The following PBX4 variants were observed in gnomAD, a reference collection of about 807,000 sequenced individuals.
PBX4 encodes PBX homeobox 4, also known as pre-B-cell leukemia transcription factor 4.
Under a neutral mutation model 35.1 loss-of-function variants are expected in PBX4, and 26 were observed. The observed-to-expected ratio is 0.74, with a 90% confidence interval of 0.54 to 1.03. The LOEUF (loss-of-function observed/expected upper bound fraction) is 1.03. Ranked by LOEUF, PBX4 falls within the 50% of genes least tolerant of loss-of-function variation. The probability of loss-of-function intolerance (pLI) is 0.00; values close to 1 mark genes in which losing one functional copy is unlikely to be tolerated. For synonymous variants in PBX4, 199 were observed against 204.2 expected, an observed-to-expected ratio of 0.97 and a Z score of 0.22; for missense variants, 448 against 504.3, an observed-to-expected ratio of 0.89 and a Z score of 1.07.
In PBX4 at chr19:19,563,657, TC is replaced by T. The variant is rs2061322701; in HGVS notation, c.926-43del. On this transcript the variant is annotated intron_variant, in intron 6 of 7. Coordinates refer to ENST00000251203, the MANE Select transcript of PBX4 (RefSeq NM_025245.3). The surrounding 1 kb of genome is among the most constrained non-coding windows in gnomAD (Gnocchi z 5.1). ...CCGGGGTGGGCAGAGTCGTGGCGCCTCCTCAGGTGGAACCCACCCAGCCCCT... is the reference window on the plus strand; with the variant it reads ...CCGGGGTGGGCAGAGTCGTGGCGCCTCTCAGGTGGAACCCACCCAGCCCCT... 1 of 1,502,712 alleles carries T rather than the reference TC, an allele frequency of 6.7e-7. No homozygotes were observed. Among genetic ancestry groups the T allele is most frequent in the Non-Finnish European group, 9.0e-7 (1 of 1,105,888 alleles). 93.1% of individuals were successfully genotyped at this position (1,502,712 alleles called of 1,614,324 possible). A position where few individuals can be genotyped will look rare whatever the true frequency, so the allele number is the denominator to read the frequency against.
chr19:19,569,640 C>T, intron 4 of PBX4, 56 bp from the exon 5 acceptor site: 18 of 1,585,516 alleles, frequency 1.1e-5, no homozygotes, highest in Non-Finnish European at 1.5e-5. Context: ...AGTACCACCC[C>T]CACCTCTAGT....
At chr19:19,602,327 G>A (rs894469992) in intron 1 of PBX4, among the ~76,000 whole-genome samples, 2 of 152,212 alleles carry the variant, frequency 1.3e-5, no homozygotes, top group Non-Finnish European at 2.9e-5. Context: ...AGGGAACAAG[G>A]TTGGGAGAGA....
intron 1 of PBX4, 21 bp from the exon 2 acceptor site, chr19:19,599,386 G>A (rs777300354): frequency 1.9e-6 from 3 of 1,597,372 alleles, no homozygotes; most frequent in African/African-American, 1.3e-5. Context: ...GGTGACAGAG[G>A]AGGGTGTGAG....
intron 5 of PBX4, among the ~76,000 whole-genome samples, chr19:19,565,929 A>T (rs1390336487): frequency 6.6e-6 from 1 of 150,960 alleles, no homozygotes; most frequent in African/African-American, 2.4e-5. Flanking sequence ...AAAAAAATAT[A>T]TTTTTTCTTT....
intron 1 of PBX4, among the ~76,000 whole-genome samples, chr19:19,609,549 GAAA>G (rs11300224): frequency 1.2e-5 from 1 of 85,028 alleles, no homozygotes. Flanking sequence ...AAATCCATAT[GAAA>G]AAAAAAAAAA....
In PBX4 at chr19:19,586,925, C is replaced by G. The variant is rs896726172; in HGVS notation, c.193+12367G>C. Among the ~76,000 whole-genome samples, 3 of 151,412 alleles carry G rather than the reference C, an allele frequency of 2.0e-5. 1 individual carries two copies. In the Middle Eastern group the frequency reaches 0.01, roughly 515 times the overall value. ...CAGCATGGGCGACAGAGTGAGATTC[C>G]GTCTCAAAAAAAGAAAAAGAAAAAG... On this transcript the variant is annotated intron_variant, in intron 2 of 7. Transcript: ENST00000251203.
Position 19,588,254 on chromosome 19 carries a change from G to A in PBX4, c.193+11038C>T, listed in dbSNP as rs182250783. ...GCCTCCACAGATCACACAGAGCCCCGGTAAGATCCATAGTTACATTCATCA... is the reference window on the plus strand; with the variant it reads ...GCCTCCACAGATCACACAGAGCCCCAGTAAGATCCATAGTTACATTCATCA... On this transcript the variant is annotated intron_variant, in intron 2 of 7. Transcript: ENST00000251203. 4.7e-4 allele frequency: 617 copies of A among 1,302,748 alleles called. 4 individuals carry two copies. Among genetic ancestry groups the A allele is most frequent in the African/African-American group, 2.9e-4 (20 of 68,794 alleles). 80.7% of individuals were successfully genotyped at this position (1,302,748 alleles called of 1,614,324 possible). A position where few individuals can be genotyped will look rare whatever the true frequency, so the allele number is the denominator to read the frequency against.
chr19:19,569,682 C>T (rs1293369915), intron 4 of PBX4, 98 bp from the exon 5 acceptor site: 1 of 1,455,460 alleles, frequency 6.9e-7, no homozygotes, highest in Non-Finnish European at 9.2e-7. Flanking sequence ...GTTCTGAAAA[C>T]AGCAATCACT....
intron 2 of PBX4, among the ~76,000 whole-genome samples, chr19:19,589,225 G>A (rs764082230): frequency 7.2e-5 from 11 of 151,900 alleles, no homozygotes; most frequent in Admixed American, 1.3e-4. Context: ...TCAGGAGATC[G>A]AGACCATCCT....
chr19:19,572,680 C>A (rs1205970497), intron 2 of PBX4, among the ~76,000 whole-genome samples: 1 of 150,468 alleles, frequency 6.6e-6, no homozygotes, highest in Non-Finnish European at 1.5e-5. Flanking sequence ...GCCCAGCCAA[C>A]GTGGAGAAAC....
chr19:19,599,342 C>T lies in PBX4; in HGVS notation c.143G>A (p.Arg48Gln), dbSNP rs1413139492. 1.1e-5 allele frequency: 17 copies of T among 1,613,400 alleles called. No homozygotes were observed. In the East Asian group the frequency reaches 1.3e-4, roughly 13 times the overall value. ...QARKHALNCHRMKPALFSVLC... is the reference protein window; with the variant it reads ...QARKHALNCHQMKPALFSVLC... Reference sequence around the variant, plus strand: ...CACGCTGAACAGAGCAGGCTTCATCCGATGGCAATTCAGAGCATGCTTTCT... The same window carrying T: ...CACGCTGAACAGAGCAGGCTTCATCTGATGGCAATTCAGAGCATGCTTTCT... Residue 48 changes from arginine (R) to glutamine (Q), a missense_variant, in exon 2 of 8, where the codon CGG becomes CAG. Coordinates refer to ENST00000251203, the MANE Select transcript of PBX4 (RefSeq NM_025245.3).
At chr19:19,573,330 T>TATACACACACAC (rs1344345485) in intron 2 of PBX4, among the ~76,000 whole-genome samples, 1 of 133,378 alleles carries the variant, frequency 7.5e-6, no homozygotes, top group Non-Finnish European at 1.6e-5. Context: ...AAAAAAAATA[T>TATACACACACAC]ACACACACAC....
intron 5 of PBX4, among the ~76,000 whole-genome samples, chr19:19,568,290 TGTATCCCTCAGGGAGCTCACACTCTATCA>T (rs2061356921): frequency 3.5e-5 from 5 of 141,396 alleles, no homozygotes; most frequent in African/African-American, 1.1e-4. Context: ...ACACTCCATC[TGTATCCCTCAGGGAGCTCACACTCTATCA>T]GTATCCCTCA....
intron 4 of PBX4, 38 bp downstream of exon 4, chr19:19,570,071 G>A: frequency 6.5e-7 from 1 of 1,538,440 alleles, no homozygotes; most frequent in Non-Finnish European, 8.8e-7. Context: ...GTCCCTCAGA[G>A]CCGGCCCTTG....
intron 2 of PBX4, among the ~76,000 whole-genome samples, chr19:19,572,109 C>G (rs1480219590): frequency 1.0e-5 from 1 of 96,240 alleles, no homozygotes; most frequent in Admixed American, 1.7e-4. Context: ...GAATCTCATT[C>G]TGTCACCTAG....
chr19:19,618,657 A>AG lies in PBX4; in HGVS notation c.-29dup. 1 of 1,199,580 alleles carries AG rather than the reference A, an allele frequency of 8.3e-7. No individual in the cohort carries two copies. The highest frequency in any genetic ancestry group is 1.0e-6 in the Non-Finnish European group (1 of 967,104). 74.3% of individuals were successfully genotyped at this position (1,199,580 alleles called of 1,614,324 possible). ...GCGGCAGGGCCGGGCGGGCGCTGTG[A>AG]GGGTGCCGTCGAGCCTGGAGCACTA... is the stretch of plus-strand genomic sequence containing the variant. On this transcript the variant is annotated 5_prime_UTR_variant, in exon 1 of 8. Coordinates refer to ENST00000251203, the MANE Select transcript of PBX4 (RefSeq NM_025245.3).
intron 2 of PBX4, chr19:19,579,895 C>T (rs902304535): frequency 2.0e-5 from 3 of 152,480 alleles, no homozygotes; most frequent in African/African-American, 4.8e-5. Context: ...GAGGCAGGGC[C>T]TCCTGTGCCA....
At position 19,614,545 on chromosome 19, in the gene PBX4, G is replaced by A. The variant is rs578259169; in HGVS notation, c.119+3966C>T. Among the ~76,000 whole-genome samples the A allele has an allele frequency of 9.9e-5, 15 of 151,904 alleles. No homozygotes were observed. In the East Asian group the frequency reaches 2.9e-3, roughly 30 times the overall value. ...AGCTACTTGGGAAACTGAGATGGGA[G>A]AATCACTTGAACCCGGGAGGCGGAG... On this transcript the variant is annotated intron_variant, in intron 1 of 7. Coordinates refer to ENST00000251203, the MANE Select transcript of PBX4 (RefSeq NM_025245.3).
At chr19:19,580,878 A>C (rs1323354124) in intron 2 of PBX4, among the ~76,000 whole-genome samples, 1 of 152,226 alleles carries the variant, frequency 6.6e-6, no homozygotes, top group Non-Finnish European at 1.5e-5. Flanking sequence ...GACTACAGGC[A>C]TGCGCCACCC....
Sources: allele counts gnomAD v4.1 joint callset (sites outside exome capture counted in the v4.1 genomes callset), GRCh38; gene constraint gnomAD v4.1.1; non-coding constraint Gnocchi (gnomAD v3.1); transcripts MANE v1.5; gene names NCBI Gene and HGNC (gene_info 2026-07-23, HGNC 2026-07-21).